Variants in IDE observed in about 807,000 individuals in gnomAD.
IDE encodes the protein insulin degrading enzyme, also known as insulin-degrading enzyme.
A neutral mutation model predicts 133.2 loss-of-function variants in IDE; 58 were observed. That is an observed-to-expected ratio of 0.44 (90% CI 0.35 to 0.54). The LOEUF is 0.54. Ranked by LOEUF, IDE falls within the 20% of genes least tolerant of loss-of-function variation. The pLI, the probability that IDE is intolerant of heterozygous loss-of-function variation, is 0.00. For missense variants in IDE, 981 were observed against 1,234.0 expected (o/e 0.79, Z 3.07); for synonymous variants, 396 against 421.3 (o/e 0.94, Z 0.73).
At chr10:92,500,996 G>A (rs1307262282) in intron 11 of IDE, among the ~76,000 whole-genome samples, 1 of 146,828 alleles carries the variant, frequency 6.8e-6, no homozygotes, top group Non-Finnish European at 1.5e-5. Flanking sequence ...AGCTGAGATC[G>A]CACCACTGCA....
At chr10:92,530,754 A>G (rs1337381556) in intron 4 of IDE, among the ~76,000 whole-genome samples, 5 of 152,340 alleles carry the variant, frequency 3.3e-5, no homozygotes, top group African/African-American at 9.6e-5. Flanking sequence ...CCACGGTTCT[A>G]AAGAATATAA....
intron 3 of IDE, among the ~76,000 whole-genome samples, chr10:92,533,887 G>A (rs775498963): frequency 1.3e-5 from 2 of 152,096 alleles, no homozygotes; most frequent in East Asian, 1.9e-4. Context: ...GCCAGGCGTG[G>A]TGGCACATGC....
At position 92,490,576 on chromosome 10, in the gene IDE, A is replaced by C. The variant is rs149596491; in HGVS notation, c.1450T>G (p.Ser484Ala). Residue 484 changes from serine to alanine, a missense_variant, in exon 12 of 25, where the codon TCT becomes GCT. Physicochemically the swap from Ser to Ala is moderately conservative, Grantham distance 99 (BLOSUM62 1). This residue lies in a region of IDE where 660 missense variants were observed against 894.7 expected (regional missense o/e 0.74). Coordinates refer to ENST00000265986, the MANE Select transcript of IDE (RefSeq NM_004969.4). ...GTGCGATCAGTTTTTCCTTCAAAAGATTTAGAAACTATGGCAACCCTAGAG... is the reference window on the plus strand; with the variant it reads ...GTGCGATCAGTTTTTCCTTCAAAAGCTTTAGAAACTATGGCAACCCTAGAG... ...ENVRVAIVSK[S>A]FEGKTDRTEE... 8.1e-6 allele frequency: 13 copies of C among 1,610,276 alleles called. No homozygotes were observed. The Admixed American group carries it at 8.3e-5, about 10-fold the overall frequency.
In IDE at chr10:92,454,303, T is replaced by C. The variant is rs758393572; in HGVS notation, c.*141A>G. 21 of 598,770 alleles carry C rather than the reference T, an allele frequency of 3.5e-5. No individual in the cohort carries two copies. The highest frequency in any genetic ancestry group is 7.5e-5 in the Admixed American group (3 of 39,768). 37.1% of individuals were successfully genotyped at this position (598,770 alleles called of 1,614,324 possible). ...TAATTTACTTTGGATTTATAATATT[T>C]CTACATAATGACATTTGACAATTTT... On this transcript the variant is annotated 3_prime_UTR_variant, in exon 25 of 25. Transcript: ENST00000265986.
intron 4 of IDE, among the ~76,000 whole-genome samples, chr10:92,520,050 A>T (rs1038569913): frequency 6.6e-6 from 1 of 152,154 alleles, no homozygotes; most frequent in African/African-American, 2.4e-5. Context: ...GGTTGCAGTA[A>T]GCCGAAATCA....
chr10:92,564,637 G>C (rs561424909), intron 1 of IDE, among the ~76,000 whole-genome samples: 1 of 119,216 alleles, frequency 8.4e-6, no homozygotes, highest in African/African-American at 3.2e-5. Context: ...CTGCGCCACT[G>C]CATTCCAGCC....
intron 4 of IDE, among the ~76,000 whole-genome samples, chr10:92,523,473 G>T (rs973001689): frequency 3.3e-5 from 5 of 151,202 alleles, no homozygotes; most frequent in African/African-American, 1.2e-4. Flanking sequence ...GGAGGCCAAG[G>T]CAGGCAAATG....
At position 92,561,129 on chromosome 10, in the gene IDE, G is replaced by A. The variant is rs181427127; in HGVS notation, c.98+12793C>T. On this transcript the variant is annotated intron_variant, in intron 1 of 24. Coordinates refer to ENST00000265986, the MANE Select transcript of IDE (RefSeq NM_004969.4). Reference sequence around the variant, plus strand: ...AACATTAGCGGGCACGGTGGTGGGCGCCTGTAATCCCAGCTATTCAGGAGG... The same window carrying A: ...AACATTAGCGGGCACGGTGGTGGGCACCTGTAATCCCAGCTATTCAGGAGG... Among the ~76,000 whole-genome samples the A allele has an allele frequency of 1.1e-4, 16 of 151,196 alleles. No individual in the cohort carries two copies. In the East Asian group the frequency reaches 3.0e-3, roughly 28 times the overall value.
At position 92,479,441 on chromosome 10, in the gene IDE, G is replaced by GT; in HGVS notation, c.1740-21dup. ...AATGGGCTGGAAGAAAATGTTGACAGTAAAATAGCTGATTTTATTACTTCT... is the reference window on the plus strand; with the variant it reads ...AATGGGCTGGAAGAAAATGTTGACAGTTAAAATAGCTGATTTTATTACTTCT... On this transcript the variant is annotated intron_variant, in intron 14 of 24. Transcript: ENST00000265986. 6.3e-7 allele frequency: 1 copy of GT among 1,578,228 alleles called. No homozygotes were observed. Among genetic ancestry groups the GT allele is most frequent in the Non-Finnish European group, 8.7e-7 (1 of 1,151,304 alleles).
chr10:92,514,812 C>T (rs778975042), intron 5 of IDE, 108 bp downstream of exon 5: 26 of 813,626 alleles, frequency 3.2e-5, no homozygotes, highest in Non-Finnish European at 4.7e-5. Flanking sequence ...TCAAAAGATG[C>T]TGAGCAAATA....
chr10:92,524,004 T>G (rs1315589677), intron 4 of IDE, among the ~76,000 whole-genome samples: 1 of 151,786 alleles, frequency 6.6e-6, no homozygotes, highest in Non-Finnish European at 1.5e-5. Context: ...TTAATTCCAT[T>G]GAGAGGCAAA....
At chr10:92,477,300 C>T (rs759148235) in intron 15 of IDE, among the ~76,000 whole-genome samples, 7 of 151,982 alleles carry the variant, frequency 4.6e-5, no homozygotes, top group Non-Finnish European at 7.4e-5. Flanking sequence ...TACAGGTACA[C>T]ACCACCATGT....
intron 19 of IDE, among the ~76,000 whole-genome samples, chr10:92,466,315 C>A (rs112261485): frequency 0.031 from 4,663 of 150,758 alleles, 123 homozygotes; most frequent in Admixed American, 0.056. Flanking sequence ...TCCTTCTAGC[C>A]TTTTTGTACT....
chr10:92,548,600 G>A (rs536103603), intron 1 of IDE, among the ~76,000 whole-genome samples: 3 of 152,166 alleles, frequency 2.0e-5, no homozygotes, highest in African/African-American at 7.2e-5. Flanking sequence ...TGGCTAAGGT[G>A]CAAATGAACC....
At chr10:92,464,527 T>C (rs958045813) in intron 20 of IDE, among the ~76,000 whole-genome samples, 1 of 152,198 alleles carries the variant, frequency 6.6e-6, no homozygotes, top group Non-Finnish European at 1.5e-5. Flanking sequence ...CATGAGGACA[T>C]GCACTACCTT....
chr10:92,465,937 T>C, intron 19 of IDE, 94 bp from the exon 20 acceptor site: 1 of 1,045,990 alleles, frequency 9.6e-7, no homozygotes, highest in South Asian at 1.4e-5. Context: ...CAGATGATAA[T>C]TTAGACATTA....
chr10:92,454,271 G>T lies in IDE; in HGVS notation c.*173C>A. On this transcript the variant is annotated 3_prime_UTR_variant, in exon 25 of 25. Coordinates refer to ENST00000265986, the MANE Select transcript of IDE (RefSeq NM_004969.4). ...TTTAAAAAATATTCTACATCTATAA[G>T]ATTTTGTAATTTACTTTGGATTTAT... 1.9e-6 allele frequency: 1 copy of T among 514,978 alleles called. No homozygotes were observed. Among genetic ancestry groups the T allele is most frequent in the East Asian group, 3.0e-5 (1 of 32,984 alleles). 31.9% of individuals were successfully genotyped at this position (514,978 alleles called of 1,614,324 possible).
intron 11 of IDE, among the ~76,000 whole-genome samples, chr10:92,500,935 G>A (rs1564627328): frequency 6.6e-6 from 1 of 151,848 alleles, no homozygotes; most frequent in Non-Finnish European, 1.5e-5. Flanking sequence ...CAGCTACTTG[G>A]GAGGCTGAGG....
chr10:92,549,564 C>A (rs927452214), intron 1 of IDE, among the ~76,000 whole-genome samples: 1 of 152,052 alleles, frequency 6.6e-6, no homozygotes, highest in Non-Finnish European at 1.5e-5. Context: ...TTTACAGGAA[C>A]CTTGTCCTAG....
Sources: gnomAD v4.1 joint callset for allele counts (sites outside exome capture counted in the v4.1 genomes callset) on GRCh38, gnomAD v4.1.1 for gene constraint, gnomAD v4.1.1 regional missense constraint, MANE v1.5 for transcripts, NCBI Gene and HGNC (gene_info 2026-07-23, HGNC 2026-07-21) for gene names.